Variants in NT5DC3 observed in about 807,000 individuals in gnomAD.
The protein encoded by NT5DC3 is 5'-nucleotidase domain-containing protein 3.
A neutral mutation model predicts 67.8 loss-of-function variants in NT5DC3; 42 were observed. The observed-to-expected ratio is 0.62, with a 90% CI of 0.48 to 0.80. The LOEUF is 0.80. Ranked by LOEUF, NT5DC3 falls within the 30% of genes least tolerant of loss-of-function variation. The pLI, the probability that NT5DC3 is intolerant of heterozygous loss-of-function variation, is 0.00. For synonymous variants in NT5DC3, 237 were observed against 255.6 expected (o/e 0.93, Z 0.69); for missense variants, 570 against 696.4 (o/e 0.82, Z 2.04).
intron 1 of NT5DC3, among the ~76,000 whole-genome samples, chr12:103,837,981 G>A (rs796969424): frequency 6.6e-6 from 1 of 152,170 alleles, no homozygotes; most frequent in African/African-American, 2.4e-5. Flanking sequence ...ACACACCTGG[G>A]ACTGGGAAGA....
chr12:103,836,905 G>A (rs978921384), intron 1 of NT5DC3, among the ~76,000 whole-genome samples: 1 of 152,166 alleles, frequency 6.6e-6, no homozygotes, highest in Non-Finnish European at 1.5e-5. Context: ...GGGTCTGGAG[G>A]AGAGTGGCCC....
chr12:103,755,488 T>TCTGGGCCC, the NT5DC3 span: 1 of 1,612,310 alleles, frequency 6.2e-7, no homozygotes, highest in Non-Finnish European at 8.5e-7. Context: ...CAGCTACACT[T>TCTGGGCCC]CAGGTTCTGG....
intron 11 of NT5DC3, 47 bp downstream of exon 11, chr12:103,787,394 G>C (rs751274626): frequency 2.3e-6 from 2 of 880,404 alleles, no homozygotes; most frequent in Non-Finnish European, 3.4e-6. Flanking sequence ...TTTAGTAAGT[G>C]AGACTAACAC....
At chr12:103,828,654 A>AC (rs1887791821) in intron 1 of NT5DC3, among the ~76,000 whole-genome samples, 1 of 146,024 alleles carries the variant, frequency 6.8e-6, no homozygotes, top group African/African-American at 2.5e-5. Context: ...CATTACCACT[A>AC]CCCAGATTTC....
At chr12:103,840,522 C>T (rs1212208932) in intron 1 of NT5DC3, among the ~76,000 whole-genome samples, 2 of 151,210 alleles carry the variant, frequency 1.3e-5, no homozygotes, top group Admixed American at 1.3e-4. Flanking sequence ...CCCAGCAGCC[C>T]CGCTCTTGGG....
At chr12:103,765,274 T>C in the NT5DC3 span, among the ~76,000 whole-genome samples, 7 of 152,116 alleles carry the variant, frequency 4.6e-5, no homozygotes, top group Admixed American at 2.0e-4. Flanking sequence ...GCACCATGCA[T>C]GAAAGATTTA....
the NT5DC3 span, chr12:103,763,779 G>T: frequency 3.4e-6 from 2 of 595,148 alleles, no homozygotes; most frequent in East Asian, 5.8e-5. Flanking sequence ...CAGTGTGGTT[G>T]CTCAGAGTTC....
the NT5DC3 span, among the ~76,000 whole-genome samples, chr12:103,764,098 C>T: frequency 2.0e-5 from 3 of 151,804 alleles, no homozygotes; most frequent in East Asian, 1.9e-4. Flanking sequence ...GGATTACAGG[C>T]GCATACCACC....
intron 4 of NT5DC3, among the ~76,000 whole-genome samples, chr12:103,800,192 C>T (rs1211056524): frequency 6.6e-6 from 1 of 152,210 alleles, no homozygotes; most frequent in Non-Finnish European, 1.5e-5. Context: ...AACCTCTTTC[C>T]TCCCGTCTCC....
At chr12:103,763,541 A>C in the NT5DC3 span, 1 of 1,614,086 alleles carries the variant, frequency 6.2e-7, no homozygotes, top group Non-Finnish European at 8.5e-7. Flanking sequence ...CAGCCTGAGA[A>C]TATCTCGAAC....
At chr12:103,831,818 CAG>C (rs1887942137) in intron 1 of NT5DC3, among the ~76,000 whole-genome samples, 1 of 143,576 alleles carries the variant, frequency 7.0e-6, no homozygotes, top group Non-Finnish European at 1.5e-5. Context: ...ATCTGTCACT[CAG>C]GCTGGAGTAC....
chr12:103,805,781 G>C (rs1477758736), intron 4 of NT5DC3, among the ~76,000 whole-genome samples: 1 of 148,802 alleles, frequency 6.7e-6, no homozygotes, highest in Non-Finnish European at 1.5e-5. Context: ...GGGAGGCAGA[G>C]GCTGCAGTGA....
Position 103,777,682 on chromosome 12 carries a change from G to A in NT5DC3, c.*147C>T. 1.1e-6 allele frequency: 1 copy of A among 941,614 alleles called. No homozygotes were observed. Among genetic ancestry groups the A allele is most frequent in the Non-Finnish European group, 1.6e-6 (1 of 634,684 alleles). The allele number at this position is 941,614 out of a possible 1,614,324, so 58.3% of individuals were successfully genotyped here. ...GCTGCTAGCTCCTGTCTTAACCATT[G>A]GGAGAATTATTCTCCGTAAGGTACA... On this transcript the variant is annotated 3_prime_UTR_variant, in exon 14 of 14. Coordinates refer to ENST00000392876, the MANE Select transcript of NT5DC3 (RefSeq NM_001031701.3).
At chr12:103,798,740 C>A in intron 4 of NT5DC3, 63 bp from the exon 5 acceptor site, 1 of 1,165,238 alleles carries the variant, frequency 8.6e-7, no homozygotes, top group African/African-American at 1.5e-5. Context: ...TTTCACACCC[C>A]TGTGCAGTGC....
At chr12:103,781,837 T>G (rs1885564667) in intron 12 of NT5DC3, among the ~76,000 whole-genome samples, 1 of 152,202 alleles carries the variant, frequency 6.6e-6, no homozygotes, top group African/African-American at 2.4e-5. Flanking sequence ...AGAGAACTGA[T>G]CCTACAGGCA....
rs1886815927 is a variant in NT5DC3 at position 103,806,731 on chromosome 12, G to A, written c.468+124C>T. The A allele has an allele frequency of 4.7e-6, 3 of 633,856 alleles. No individual in the cohort carries two copies. The Admixed American group carries it at 8.6e-5, about 18-fold the overall frequency. 39.3% of individuals were successfully genotyped at this position (633,856 alleles called of 1,614,324 possible). A position where few individuals can be genotyped will look rare whatever the true frequency, so the allele number is the denominator to read the frequency against. On this transcript the variant is annotated intron_variant, in intron 3 of 13. Transcript: ENST00000392876. ...TATCCAAATATATGTGAATAAATTTGGTTCTGCAGTCCCAAATAACATAAT... is the reference window on the plus strand; with the variant it reads ...TATCCAAATATATGTGAATAAATTTAGTTCTGCAGTCCCAAATAACATAAT...
chr12:103,778,730 TG>T (rs1311955742), intron 13 of NT5DC3, among the ~76,000 whole-genome samples: 3 of 149,080 alleles, frequency 2.0e-5, no homozygotes, highest in Admixed American at 1.3e-4. Flanking sequence ...CACTTGAGCC[TG>T]GGTGGTTGAG....
chr12:103,802,402 G>A (rs570759222), intron 4 of NT5DC3: 1 of 152,366 alleles, frequency 6.6e-6, no homozygotes, highest in East Asian at 1.9e-4. Context: ...GAAAGAAGAT[G>A]TCAAGGGAAA....
Position 103,780,262 on chromosome 12 carries a change from G to A in NT5DC3, c.1394+38C>T, listed in dbSNP as rs372096914. ...TGTGGGCTGAGCACAGCCAGAACAGGGTGGTGGACGCGCACATTCAATACA... is the reference window on the plus strand; with the variant it reads ...TGTGGGCTGAGCACAGCCAGAACAGAGTGGTGGACGCGCACATTCAATACA... On this transcript the variant is annotated intron_variant, in intron 13 of 13. Transcript: ENST00000392876. 5.8e-6 allele frequency: 9 copies of A among 1,557,650 alleles called. No individual in the cohort carries two copies. The African/African-American group carries it at 1.2e-4, about 21-fold the overall frequency.
Sources: gnomAD v4.1 joint callset for allele counts (sites outside exome capture counted in the v4.1 genomes callset) on GRCh38, gnomAD v4.1.1 for gene constraint, MANE v1.5 for transcripts, NCBI Gene and HGNC (gene_info 2026-07-23, HGNC 2026-07-21) for gene names.